Variants in NQO2 observed in about 807,000 individuals in gnomAD.
NQO2 encodes the protein N-ribosyldihydronicotinamide:quinone dehydrogenase 2.
NQO2 carries 18 observed loss-of-function variants against 22.0 expected under a neutral mutation model. That is an observed-to-expected ratio of 0.82 (90% CI 0.56 to 1.21). The LOEUF (loss-of-function observed/expected upper bound fraction) is 1.21, where lower values mean the gene tolerates loss of function less well. Among genes scored for constraint, NQO2 ranks in the 50% most tolerant of loss-of-function variants. The pLI is 0.00. For synonymous variants in NQO2, 106 were observed against 110.8 expected (o/e 0.96, Z 0.28); for missense variants, 267 against 286.9 (o/e 0.93, Z 0.50).
At chr6:3,016,057 G>A (rs781658919) in intron 5 of NQO2, among the ~76,000 whole-genome samples, 1 of 152,158 alleles carries the variant, frequency 6.6e-6, no homozygotes, top group East Asian at 1.9e-4. Context: ...AAGACCATGC[G>A]ACACCCACGT....
intron 4 of NQO2, among the ~76,000 whole-genome samples, chr6:3,014,115 G>A (rs1334593216): frequency 2.0e-5 from 3 of 152,186 alleles, no homozygotes; most frequent in Admixed American, 6.5e-5. Context: ...GGGGGTGAGC[G>A]GCATGTGACC....
chr6:3,015,362 G>A (rs1413103146), intron 4 of NQO2, 168 bp from the exon 5 acceptor site: 2 of 985,260 alleles, frequency 2.0e-6, no homozygotes, highest in Admixed American at 6.2e-5. Context: ...GTTCCCGTCT[G>A]ACACCCACAC....
rs140634329 is a variant in NQO2, at chr6:3,016,456, G to A, written c.418-428G>A. 6.4e-3 allele frequency among the ~76,000 whole-genome samples: 927 copies of A among 143,808 alleles called. 11 individuals carry two copies. The highest frequency in any genetic ancestry group is 0.011 in the Non-Finnish European group (734 of 66,718). The allele number at this position is 143,808 out of a possible 152,430, so 94.3% of individuals were successfully genotyped here. On this transcript the variant is annotated intron_variant, in intron 5 of 6. Coordinates refer to ENST00000380455, the MANE Select transcript of NQO2 (RefSeq NM_000904.6). ...AAAAAAAAAAAAAAAAAAAAGGAAC[G>A]ATTTTTAAATTCTAAAAGCTTCAGA...
intron 6 of NQO2, among the ~76,000 whole-genome samples, chr6:3,017,848 A>C (rs1455460580): frequency 6.6e-6 from 1 of 152,090 alleles, no homozygotes; most frequent in Non-Finnish European, 1.5e-5. Flanking sequence ...GGGAAAATGC[A>C]CGCGTCACCC....
chr6:3,014,076 G>A (rs115024644), intron 4 of NQO2, among the ~76,000 whole-genome samples: 1 of 152,278 alleles, frequency 6.6e-6, no homozygotes, highest in South Asian at 2.1e-4. Flanking sequence ...AGCACTGTTC[G>A]CATGAGTCCG....
Position 3,006,686 on chromosome 6 carries a change from T to TA in NQO2, c.7+128dup. 1 of 918,196 alleles carries TA rather than the reference T, an allele frequency of 1.1e-6. No homozygotes were observed. The highest frequency in any genetic ancestry group is 2.0e-5 in the South Asian group (1 of 48,938). The allele number at this position is 918,196 out of a possible 1,614,324, so 56.9% of individuals were successfully genotyped here. ...CCACATTGACCTTCCAGGTGGGAGTTAGACTCTTAATCAGAAATTGGATAC... is the reference window on the plus strand; with the variant it reads ...CCACATTGACCTTCCAGGTGGGAGTTAAGACTCTTAATCAGAAATTGGATAC... On this transcript the variant is annotated intron_variant, in intron 2 of 6. Transcript: ENST00000380455. The surrounding 1 kb of genome is among the most constrained non-coding windows in gnomAD (Gnocchi z 4.0).
chr6:3,018,527 A>AAACG (rs1757418675), intron 6 of NQO2, among the ~76,000 whole-genome samples: 1 of 152,154 alleles, frequency 6.6e-6, no homozygotes, highest in Non-Finnish European at 1.5e-5. Flanking sequence ...ACAAACAAAC[A>AAACG]AATAAATAAA....
At chr6:3,012,294 C>T (rs2113452463) in intron 3 of NQO2, 4 of 711,334 alleles carry the variant, frequency 5.6e-6, no homozygotes, top group East Asian at 1.3e-4. Context: ...ACACCAGTCT[C>T]ACCAGTTGTT....
At chr6:3,002,464 A>G (rs1199298955) in intron 1 of NQO2, among the ~76,000 whole-genome samples, 1 of 152,048 alleles carries the variant, frequency 6.6e-6, no homozygotes, top group Non-Finnish European at 1.5e-5. Flanking sequence ...ACATGCCACC[A>G]TACCCGGATA....
intron 4 of NQO2, 178 bp from the exon 5 acceptor site, chr6:3,015,352 G>A (rs1040301598): frequency 3.7e-5 from 36 of 985,406 alleles, no homozygotes; most frequent in South Asian, 1.4e-4. Context: ...TGTCAACTCC[G>A]TTCCCGTCTG....
chr6:3,006,006 A>C lies in NQO2; in HGVS notation c.-85-462A>C, dbSNP rs958034464. Among the ~76,000 whole-genome samples, 19 of 152,020 alleles carry C rather than the reference A, an allele frequency of 1.2e-4. No individual in the cohort carries two copies. The highest frequency in any genetic ancestry group is 2.8e-4 in the Non-Finnish European group (19 of 68,020). On this transcript the variant is annotated intron_variant, in intron 1 of 6. Coordinates refer to ENST00000380455, the MANE Select transcript of NQO2 (RefSeq NM_000904.6). The surrounding 1 kb of genome is among the most constrained non-coding windows in gnomAD (Gnocchi z 4.0). Reference sequence around the variant, plus strand: ...CTGGTTAGAGCCTGGGTCTAAGCCAACTCCCATTATTTTCAAGTGAGGGGA... The same window carrying C: ...CTGGTTAGAGCCTGGGTCTAAGCCACCTCCCATTATTTTCAAGTGAGGGGA...
intron 1 of NQO2, among the ~76,000 whole-genome samples, chr6:3,005,384 T>C (rs1756915698): frequency 6.6e-6 from 1 of 152,128 alleles, no homozygotes; most frequent in Admixed American, 6.6e-5. Flanking sequence ...GGTTCCAACT[T>C]CTCCGCATCC....
chr6:3,016,430 C>CAAAAAAAAAAAAAAAAAA (rs36118697), intron 5 of NQO2, among the ~76,000 whole-genome samples: 3 of 85,704 alleles, frequency 3.5e-5, no homozygotes, highest in African/African-American at 1.4e-4. Flanking sequence ...GACTCTGTCT[C>CAAAAAAAAAAAAAAAAAA]AAAAAAAAAA....
chr6:3,019,500 G>A lies in NQO2; in HGVS notation c.541G>A (p.Gly181Arg). 1 of 1,613,956 alleles carries A rather than the reference G, an allele frequency of 6.2e-7. No homozygotes were observed. The highest frequency in any genetic ancestry group is 1.3e-5 in the African/African-American group (1 of 75,028). The change falls in exon 7 of 7, where the codon GGA (glycine) becomes AGA (arginine). Residue 181 changes from glycine (G) to arginine (R), a missense_variant. Physicochemically the swap from Gly to Arg is moderately radical, Grantham distance 125. Transcript: ENST00000380455. Reference sequence around the variant, plus strand: ...TTAGCATGGCACATTACACTTCTGTGGATTTAAAGTCCTTGCCCCTCAGAT... The same window carrying A: ...TTAGCATGGCACATTACACTTCTGTAGATTTAAAGTCCTTGCCCCTCAGAT... ...PLQHGTLHFC[G>R]FKVLAPQISF... is the part of the protein sequence containing the mutation.
intron 1 of NQO2, among the ~76,000 whole-genome samples, chr6:3,001,214 C>T (rs1419415157): frequency 2.2e-4 from 33 of 151,576 alleles, no homozygotes; most frequent in Admixed American, 2.2e-3. Flanking sequence ...CTCAGTCTCC[C>T]GAGTAGCTGG....
chr6:3,009,779 A>G (rs1318607929), intron 2 of NQO2: 2 of 247,168 alleles, frequency 8.1e-6, no homozygotes, highest in African/African-American at 4.6e-5. Context: ...AGGCATGAGA[A>G]TCACTTGAAC....
At chr6:3,009,832 A>G (rs539806211) in intron 2 of NQO2, 193 bp from the exon 3 acceptor site, 2 of 687,564 alleles carry the variant, frequency 2.9e-6, no homozygotes, top group Admixed American at 6.3e-5. Context: ...ATGCCACTGC[A>G]TTCCAGCCTG....
rs199706530 is a variant in NQO2 at position 3,016,882 on chromosome 6, A to G, written c.418-2A>G. 162 of 1,613,536 alleles carry G rather than the reference A, an allele frequency of 1.0e-4. 1 individual carries two copies. The highest frequency in any genetic ancestry group is 1.3e-4 in the Non-Finnish European group (156 of 1,179,986). ...CAAATGCATCTGCTTTCTCCCTTGCAGGGTAAACTAGCGCTCCTTTCCGTA... is the reference window on the plus strand; with the variant it reads ...CAAATGCATCTGCTTTCTCCCTTGCGGGGTAAACTAGCGCTCCTTTCCGTA... On this transcript the variant is annotated splice_acceptor_variant, in intron 5 of 6. Coordinates refer to ENST00000380455, the MANE Select transcript of NQO2 (RefSeq NM_000904.6). LOFTEE classifies it high-confidence loss of function.
At chr6:3,011,764 A>G (rs1757144003) in intron 3 of NQO2, among the ~76,000 whole-genome samples, 1 of 152,230 alleles carries the variant, frequency 6.6e-6, no homozygotes, top group Non-Finnish European at 1.5e-5. Context: ...ATAGGCCAGG[A>G]GGTAGTGGGA....
Sources: gnomAD v4.1 joint callset for allele counts (sites outside exome capture counted in the v4.1 genomes callset) on GRCh38, gnomAD v4.1.1 for gene constraint, Gnocchi (gnomAD v3.1) non-coding constraint, MANE v1.5 for transcripts, NCBI Gene and HGNC (gene_info 2026-07-23, HGNC 2026-07-21) for gene names.